Variants in SPARC observed in about 807,000 individuals in gnomAD.
SPARC encodes secreted protein acidic and cysteine rich.
Under a neutral mutation model 37.7 loss-of-function variants are expected in SPARC, and 23 were observed. The observed-to-expected ratio is 0.61, with a 90% confidence interval of 0.44 to 0.87. SPARC has a LOEUF of 0.87. Among genes scored for constraint, SPARC ranks in the 40% least tolerant of loss-of-function variants. The pLI, the probability that SPARC is intolerant of heterozygous loss-of-function variation, is 0.00. For synonymous variants in SPARC, 155 were observed against 150.8 expected (o/e 1.03, Z -0.20); for missense variants, 312 against 389.0 (o/e 0.80, Z 1.66).
Position 151,671,589 on chromosome 5 carries a change from A to G in SPARC, c.314T>C (p.Ile105Thr), listed in dbSNP as rs771396512. ...AGCCCTCACCTTCTCAAACTCGCCA[A>G]TGGGGGCTGGGCAGCTGGTGGGGTC... ...CQDPTSCPAP[I>T]GEFEKVCSND... is the part of the protein sequence containing the mutation. The change falls in exon 5 of 10, where the codon ATT (isoleucine) becomes ACT (threonine). Residue 105 changes from isoleucine (I) to threonine (T), a missense_variant. Coordinates refer to ENST00000231061, the MANE Select transcript of SPARC (RefSeq NM_003118.4). 86 of 1,581,680 alleles carry G rather than the reference A, an allele frequency of 5.4e-5. No individual in the cohort carries two copies. Among genetic ancestry groups the G allele is most frequent in the South Asian group, 2.7e-4 (23 of 85,534 alleles).
intron 8 of SPARC, among the ~76,000 whole-genome samples, chr5:151,665,162 G>A (rs1162763621): frequency 6.6e-6 from 1 of 152,178 alleles, no homozygotes; most frequent in East Asian, 1.9e-4. Context: ...CTACAGCCCT[G>A]GGATGGGAGG....
At chr5:151,679,718 G>A (rs1386839746) in intron 1 of SPARC, 3 of 152,224 alleles carry the variant, frequency 2.0e-5, no homozygotes, top group Admixed American at 1.3e-4. Context: ...TCTCTCTCTG[G>A]AAAGACTCTG....
chr5:151,676,208 G>C lies in SPARC; in HGVS notation c.-13-7C>G, dbSNP rs1305868418. 3 of 1,605,276 alleles carry C rather than the reference G, an allele frequency of 1.9e-6. No homozygotes were observed. The African/African-American group carries it at 4.0e-5, about 21-fold the overall frequency. Reference sequence around the variant, plus strand: ...CCTCATGGTGCTGGGAACCCTATGGGGAGGAGAGATTGAGAGTTCAGTGAG... The same window carrying C: ...CCTCATGGTGCTGGGAACCCTATGGCGAGGAGAGATTGAGAGTTCAGTGAG... On this transcript the variant is annotated splice_polypyrimidine_tract_variant and splice_region_variant and intron_variant, in intron 1 of 9. Coordinates refer to ENST00000231061, the MANE Select transcript of SPARC (RefSeq NM_003118.4).
chr5:151,670,418 G>T (rs1228265810), intron 5 of SPARC, among the ~76,000 whole-genome samples: 1 of 152,206 alleles, frequency 6.6e-6, no homozygotes, highest in African/African-American at 2.4e-5. Context: ...TCCCTGGAAA[G>T]AAACATCACT....
intron 9 of SPARC, 75 bp from the exon 10 acceptor site, chr5:151,663,674 A>G (rs1453862541): frequency 1.4e-6 from 2 of 1,464,554 alleles, no homozygotes; most frequent in Non-Finnish European, 1.9e-6. Context: ...GAGTCAGTGG[A>G]CTCCCACCCA....
rs1581519797 is a variant in SPARC at position 151,666,252 on chromosome 5, CTG to C, written c.734+107_734+108del. On this transcript the variant is annotated intron_variant, in intron 8 of 9. Transcript: ENST00000231061. ...CCTTCTGCTCCAATCCCCAGGCAAA[CTG>C]TGGATGCCAGGGCTTGGAGCAGTAT... 27 of 1,129,668 alleles carry C rather than the reference CTG, an allele frequency of 2.4e-5. No individual in the cohort carries two copies. The East Asian group carries it at 6.8e-4, about 28-fold the overall frequency. The allele number at this position is 1,129,668 out of a possible 1,614,324, so 70.0% of individuals were successfully genotyped here. A position where few individuals can be genotyped will look rare whatever the true frequency, so the allele number is the denominator to read the frequency against.
At chr5:151,682,820 A>G (rs1324724360) in intron 1 of SPARC, among the ~76,000 whole-genome samples, 1 of 152,224 alleles carries the variant, frequency 6.6e-6, no homozygotes, top group Non-Finnish European at 1.5e-5. Flanking sequence ...TAATGCCATG[A>G]CTAACATCAA....
Position 151,662,211 on chromosome 5 carries a change from C to T in SPARC, c.*1360G>A, listed in dbSNP as rs892009470. 6.6e-6 allele frequency: 1 copy of T among 152,618 alleles called. No homozygotes were observed. Among genetic ancestry groups the T allele is most frequent in the Non-Finnish European group, 1.5e-5 (1 of 68,046 alleles). 9.5% of individuals were successfully genotyped at this position (152,618 alleles called of 1,614,324 possible). A position where few individuals can be genotyped will look rare whatever the true frequency, so the allele number is the denominator to read the frequency against. On this transcript the variant is annotated 3_prime_UTR_variant, in exon 10 of 10. Transcript: ENST00000231061. ...GGTGGTAGTGATCAAAAGGGTTAAA[C>T]CACAGGTCATTAAATGAAAACAGCT...
intron 7 of SPARC, 130 bp from the exon 8 acceptor site, chr5:151,666,639 G>A: frequency 1.3e-6 from 1 of 757,428 alleles, no homozygotes; most frequent in Non-Finnish European, 2.1e-6. Flanking sequence ...GCGAGGGGAG[G>A]GAGGTGTCAT....
chr5:151,664,213 C>T lies in SPARC; in HGVS notation c.757G>A (p.Ala253Thr), dbSNP rs1268191882. ...IDGYLSHTEL[A>T]PLRAPLIPME... ...GGGATGAGGGGAGCACGCAGTGGAG[C>T]CAGCTCGGTGTGGGAGAGGTACCTG... The change falls in exon 9 of 10, where the codon GCT becomes ACT. Residue 253 changes from alanine to threonine, a missense_variant. Coordinates refer to ENST00000231061, the MANE Select transcript of SPARC (RefSeq NM_003118.4). The T allele has an allele frequency of 6.2e-7, 1 of 1,614,024 alleles. No homozygotes were observed. Among genetic ancestry groups the T allele is most frequent in the South Asian group, 1.1e-5 (1 of 91,078 alleles).
intron 1 of SPARC, among the ~76,000 whole-genome samples, chr5:151,681,226 G>A (rs1043419974): frequency 2.0e-5 from 3 of 152,240 alleles, no homozygotes; most frequent in African/African-American, 7.2e-5. Flanking sequence ...GGGGTCTGCT[G>A]ACATGGGGAC....
At position 151,664,100 on chromosome 5, in the gene SPARC, G is replaced by A. The variant is rs773557707; in HGVS notation, c.870C>T (p.Phe290=). ...TCAGACACTCACTCTGCTTGATGCC[G>A]AAGCAGCCGGCCCACTCATCCAGGG... ...YIALDEWAGC[F]GIKQKDIDKD... Residue 290 remains phenylalanine, a synonymous_variant, in exon 9 of 10, where the codon TTC becomes TTT. Coordinates refer to ENST00000231061, the MANE Select transcript of SPARC (RefSeq NM_003118.4). The A allele has an allele frequency of 6.9e-5, 112 of 1,614,078 alleles. No homozygotes were observed. The highest frequency in any genetic ancestry group is 8.5e-5 in the Non-Finnish European group (100 of 1,180,044).
intron 1 of SPARC, chr5:151,676,986 C>T (rs964869622): frequency 6.6e-6 from 1 of 152,206 alleles, no homozygotes; most frequent in Non-Finnish European, 1.5e-5. Context: ...GGAAACCATC[C>T]AGATGCTTCC....
At chr5:151,680,353 G>A (rs926919562) in intron 1 of SPARC, among the ~76,000 whole-genome samples, 4 of 146,920 alleles carry the variant, frequency 2.7e-5, no homozygotes, top group Non-Finnish European at 4.5e-5. Context: ...TCAGCCTCCC[G>A]AGTAGCTGAG....
chr5:151,683,631 T>C (rs1452582602), intron 1 of SPARC, among the ~76,000 whole-genome samples: 4 of 152,232 alleles, frequency 2.6e-5, no homozygotes, highest in Non-Finnish European at 1.5e-5. Context: ...TGCACATCCA[T>C]CCATGTGTGG....
At chr5:151,669,285 G>A (rs186461379) in intron 6 of SPARC, among the ~76,000 whole-genome samples, 1 of 152,310 alleles carries the variant, frequency 6.6e-6, no homozygotes, top group Admixed American at 6.5e-5. Context: ...AAAATATTTT[G>A]TAGGCCCAGG....
chr5:151,674,491 T>C lies in SPARC; in HGVS notation c.120+121A>G. On this transcript the variant is annotated intron_variant, in intron 3 of 9. Transcript: ENST00000231061. ...ATACTCAGGGTTTGCATCTATGCTATGTGTGTACAGGGAGACGAATGCCCC... is the reference window on the plus strand; with the variant it reads ...ATACTCAGGGTTTGCATCTATGCTACGTGTGTACAGGGAGACGAATGCCCC... 4 of 835,900 alleles carry C rather than the reference T, an allele frequency of 4.8e-6. No individual in the cohort carries two copies. The South Asian group carries it at 6.0e-5, about 13-fold the overall frequency. 51.8% of individuals were successfully genotyped at this position (835,900 alleles called of 1,614,324 possible). A position where few individuals can be genotyped will look rare whatever the true frequency, so the allele number is the denominator to read the frequency against.
chr5:151,673,903 T>C (rs1760798469), intron 3 of SPARC, among the ~76,000 whole-genome samples: 1 of 152,032 alleles, frequency 6.6e-6, no homozygotes, highest in Admixed American at 6.5e-5. Flanking sequence ...CTGAGATCTA[T>C]GTTCACAAGA....
At chr5:151,673,760 G>C (rs1760795827) in intron 3 of SPARC, among the ~76,000 whole-genome samples, 1 of 152,178 alleles carries the variant, frequency 6.6e-6, no homozygotes, top group Non-Finnish European at 1.5e-5. Flanking sequence ...CATGTTGATT[G>C]AAGTCTCGTG....
Sources: gnomAD v4.1 joint callset for allele counts (sites outside exome capture counted in the v4.1 genomes callset) on GRCh38, gnomAD v4.1.1 for gene constraint, MANE v1.5 for transcripts, NCBI Gene and HGNC (gene_info 2026-07-23, HGNC 2026-07-21) for gene names.